Variants in PSMD1 observed in about 807,000 individuals in gnomAD.
PSMD1 encodes the protein proteasome 26S subunit, non-ATPase 1.
PSMD1 carries 18 observed loss-of-function variants against 119.0 expected under a neutral mutation model. The observed-to-expected ratio is 0.15, with a 90% CI of 0.10 to 0.22. The LOEUF is 0.22. Ranked by LOEUF, PSMD1 falls within the 10% of genes least tolerant of loss-of-function variation. The probability of loss-of-function intolerance (pLI) is 1.00; values close to 1 mark genes in which losing one functional copy is unlikely to be tolerated. For synonymous variants in PSMD1, 374 were observed against 396.6 expected, an observed-to-expected ratio of 0.94 and a Z score of 0.68; for missense variants, 702 against 1,158.5, an observed-to-expected ratio of 0.61 and a Z score of 5.72.
intron 16 of PSMD1, among the ~76,000 whole-genome samples, chr2:231,135,994 C>T (rs145314928): frequency 2.0e-5 from 3 of 152,278 alleles, no homozygotes; most frequent in African/African-American, 7.2e-5. Context: ...TTTGAATTCA[C>T]CACTGTCTGG....
rs61731727 is a variant in PSMD1 at position 231,123,674 on chromosome 2, A to G, written c.1884-15062A>G. The G allele has an allele frequency of 3.0e-3, 4,763 of 1,614,070 alleles. 136 individuals are homozygous for G. In the African/African-American group the frequency reaches 0.056, roughly 19 times the overall value. ...ATTGATTCTGTCTGTAATCCAGACC[A>G]GTTAGAAGAGATAACGTGAACAAAG... On this transcript the variant is annotated intron_variant, in intron 16 of 24. Coordinates refer to ENST00000308696, the MANE Select transcript of PSMD1 (RefSeq NM_002807.4).
At chr2:231,080,416 A>G in intron 12 of PSMD1, 102 bp downstream of exon 12, 1 of 1,029,152 alleles carries the variant, frequency 9.7e-7, no homozygotes, top group Non-Finnish European at 1.3e-6. Context: ...GAATTTGCGA[A>G]TACCCAAAAC....
chr2:231,154,981 G>A (rs1442367292), intron 19 of PSMD1, among the ~76,000 whole-genome samples: 1 of 152,154 alleles, frequency 6.6e-6, no homozygotes, highest in East Asian at 1.9e-4. Context: ...ACCATAGTCT[G>A]TTTCAAAAGA....
In PSMD1 at chr2:231,139,166, CTT is replaced by C. The variant is rs200633256; in HGVS notation, c.1998+318_1998+319del. The C allele has an allele frequency of 4.9e-3, 1,826 of 372,778 alleles. 40 individuals are homozygous for C. The highest frequency in any genetic ancestry group is 0.036 in the African/African-American group (1,693 of 47,358). 23.1% of individuals were successfully genotyped at this position (372,778 alleles called of 1,614,324 possible). ...ATTTGTTTTGAAACGGAATTTCACT[CTT>C]TCATCCAGGCTGGAGTGCAGTGGCG... On this transcript the variant is annotated intron_variant, in intron 17 of 24. Transcript: ENST00000308696.
At chr2:231,163,890 G>A (rs1440906119) in intron 21 of PSMD1, among the ~76,000 whole-genome samples, 163 bp downstream of exon 21, 2 of 152,062 alleles carry the variant, frequency 1.3e-5, no homozygotes, top group African/African-American at 4.8e-5. Flanking sequence ...TTGTCTCTTG[G>A]TCATCCAAGT....
At chr2:231,119,950 CT>C (rs758725665) in intron 16 of PSMD1, among the ~76,000 whole-genome samples, 3,181 of 135,644 alleles carry the variant, frequency 0.023, 106 homozygotes, top group African/African-American at 0.071. Context: ...TCCCGTGTTA[CT>C]TTTTTTTTTT....
chr2:231,060,103 G>A (rs530746371), intron 1 of PSMD1, among the ~76,000 whole-genome samples: 1 of 152,184 alleles, frequency 6.6e-6, no homozygotes, highest in South Asian at 2.1e-4. Flanking sequence ...ATTCTGGCCT[G>A]TCATCTTACT....
At chr2:231,160,854 G>C (rs1696622617) in intron 19 of PSMD1, among the ~76,000 whole-genome samples, 1 of 152,176 alleles carries the variant, frequency 6.6e-6, no homozygotes, top group Non-Finnish European at 1.5e-5. Context: ...ATATTAGACT[G>C]CACATATGAA....
chr2:231,105,579 C>T (rs924859574), intron 16 of PSMD1, among the ~76,000 whole-genome samples: 3 of 151,800 alleles, frequency 2.0e-5, no homozygotes, highest in African/African-American at 7.3e-5. Context: ...TTGGTGGTCC[C>T]TTGCAGGGTG....
In PSMD1 at chr2:231,094,011, A is replaced by G. The variant is rs544589237; in HGVS notation, c.1883+6830A>G. 7.5e-4 allele frequency among the ~76,000 whole-genome samples: 114 copies of G among 152,298 alleles called. 1 individual carries two copies. Among genetic ancestry groups the G allele is most frequent in the African/African-American group, 2.5e-3 (104 of 41,564 alleles). ...ACTCTCCAGGAAAAGTATGTGCACT[A>G]ATTAACTGAGAATTGGCATCAATGG... On this transcript the variant is annotated intron_variant, in intron 16 of 24. Coordinates refer to ENST00000308696, the MANE Select transcript of PSMD1 (RefSeq NM_002807.4).
chr2:231,120,362 T>C (rs531990268), intron 16 of PSMD1, among the ~76,000 whole-genome samples: 1 of 152,356 alleles, frequency 6.6e-6, no homozygotes, highest in African/African-American at 2.4e-5. Context: ...GTTTTCTTGC[T>C]CAAGTATTTC....
intron 17 of PSMD1, among the ~76,000 whole-genome samples, chr2:231,142,756 T>C (rs1277529014): frequency 6.6e-6 from 1 of 152,200 alleles, no homozygotes; most frequent in African/African-American, 2.4e-5. Context: ...TTTGGTTATA[T>C]TTTTATCATG....
chr2:231,123,751 T>G lies in PSMD1; in HGVS notation c.1884-14985T>G, dbSNP rs151324210. 119 of 1,613,522 alleles carry G rather than the reference T, an allele frequency of 7.4e-5. 1 individual carries two copies. The African/African-American group carries it at 1.5e-3, about 20-fold the overall frequency. Reference sequence around the variant, plus strand: ...TGTGCTTTGAAGTTCAGACACTCTGTAAGAGAGAGCCATTTGCTGTTTTTC... The same window carrying G: ...TGTGCTTTGAAGTTCAGACACTCTGGAAGAGAGAGCCATTTGCTGTTTTTC... On this transcript the variant is annotated intron_variant, in intron 16 of 24. Transcript: ENST00000308696.
intron 24 of PSMD1, among the ~76,000 whole-genome samples, chr2:231,171,609 T>G (rs1159464923): frequency 6.9e-6 from 1 of 145,400 alleles, no homozygotes; most frequent in Non-Finnish European, 1.5e-5. Context: ...TTGGCTGGAG[T>G]GCAATGGCGC....
chr2:231,151,461 A>AG lies in PSMD1; in HGVS notation c.2116-2102dup, dbSNP rs138978160. Among the ~76,000 whole-genome samples the AG allele has an allele frequency of 1.3e-3, 204 of 152,338 alleles. 1 individual carries two copies. The highest frequency in any genetic ancestry group is 4.8e-3 in the African/African-American group (200 of 41,582). On this transcript the variant is annotated intron_variant, in intron 18 of 24. Transcript: ENST00000308696. ...ACTGATACATAAGAAATAAAATGTG[A>AG]GAAAAAAATTTAAAATGATAAAAAC...
chr2:231,128,450 A>G (rs1695777840), intron 16 of PSMD1, among the ~76,000 whole-genome samples: 1 of 152,192 alleles, frequency 6.6e-6, no homozygotes, highest in African/African-American at 2.4e-5. Context: ...AGCTGAAACT[A>G]TAAGAATAGC....
Position 231,062,318 on chromosome 2 carries a change from A to G in PSMD1, c.131A>G (p.Lys44Arg). Residue 44 changes from lysine to arginine, a missense_variant, in exon 3 of 25, where the codon AAA (lysine) becomes AGA (arginine). Coordinates refer to ENST00000308696, the MANE Select transcript of PSMD1 (RefSeq NM_002807.4). ...GCAGAAATTTCCGAGTCCGTAGACAAAATGTAAGAAATTATTTTTATAAAT... is the reference window on the plus strand; with the variant it reads ...GCAGAAATTTCCGAGTCCGTAGACAGAATGTAAGAAATTATTTTTATAAAT... ...FWAEISESVD[K>R]IEVLYEDEGF... 5 of 1,601,088 alleles carry G rather than the reference A, an allele frequency of 3.1e-6. No homozygotes were observed. In the Admixed American group the frequency reaches 8.3e-5, roughly 27 times the overall value.
At chr2:231,108,226 G>C (rs554074090) in intron 16 of PSMD1, 1 of 312,894 alleles carries the variant, frequency 3.2e-6, no homozygotes, top group African/African-American at 2.2e-5. Context: ...TATGATGACA[G>C]TGGTTCTTTT....
At chr2:231,167,954 C>G (rs929354170) in intron 23 of PSMD1, among the ~76,000 whole-genome samples, 1 of 152,234 alleles carries the variant, frequency 6.6e-6, no homozygotes, top group Non-Finnish European at 1.5e-5. Flanking sequence ...GTGGTTCCCA[C>G]TTACAGTCCC....
Sources: allele counts gnomAD v4.1 joint callset (sites outside exome capture counted in the v4.1 genomes callset), GRCh38; gene constraint gnomAD v4.1.1; transcripts MANE v1.5; gene names NCBI Gene and HGNC (gene_info 2026-07-23, HGNC 2026-07-21).